POP1: variants seen among roughly 807,000 people sequenced by gnomAD.
POP1 encodes POP1 ribonuclease P/MRP subunit.
POP1 carries 75 observed loss-of-function variants against 102.2 expected under a neutral mutation model. The ratio of observed to expected loss-of-function variants is 0.73; its 90% confidence interval spans 0.61 to 0.89. The LOEUF (loss-of-function observed/expected upper bound fraction) is 0.89, where lower values mean the gene tolerates loss of function less well. POP1 is among the 40% of genes least tolerant of loss of function. The probability of loss-of-function intolerance (pLI) is 0.00; values close to 1 mark genes in which losing one functional copy is unlikely to be tolerated. For missense variants in POP1, 1,116 were observed against 1,267.4 expected (o/e 0.88, Z 1.81); for synonymous variants, 436 against 464.1 (o/e 0.94, Z 0.78).
chr8:98,128,232 C>G (rs1816269616), intron 3 of POP1, 133 bp from the exon 4 acceptor site: 1 of 817,408 alleles, frequency 1.2e-6, no homozygotes, highest in African/African-American at 1.7e-5. Flanking sequence ...GTACCTATAC[C>G]TTAGATATGC....
At chr8:98,133,651 T>C (rs548678692) in intron 5 of POP1, among the ~76,000 whole-genome samples, 1 of 152,316 alleles carries the variant, frequency 6.6e-6, no homozygotes, top group African/African-American at 2.4e-5. Flanking sequence ...GGATAAAACA[T>C]AGATTACCTA....
Position 98,158,251 on chromosome 8 carries a change from A to G in POP1, c.3055A>G (p.Arg1019Gly), listed in dbSNP as rs777557104. Residue 1019 changes from arginine to glycine, a missense_variant, in exon 16 of 16, where the codon AGG becomes GGG. By Grantham distance (125) the Arg-to-Gly change is moderately radical (BLOSUM62 -2). Coordinates refer to ENST00000401707, the MANE Select transcript of POP1 (RefSeq NM_001145860.2). Reference protein sequence around the residue: ...PPASLQYRFARIAIEV With the variant: ...PPASLQYRFAGIAIEV ...CGCCTCTCTGCAGTATCGATTTGCG[A>G]GGATTGCTATTGAGGTGTGAATGCG... is the stretch of plus-strand genomic sequence containing the variant. The G allele has an allele frequency of 3.1e-6, 5 of 1,610,650 alleles. No homozygotes were observed. The South Asian group carries it at 5.5e-5, about 18-fold the overall frequency.
In POP1 at chr8:98,159,023, G is replaced by A. The variant is rs899893016; in HGVS notation, c.*752G>A. On this transcript the variant is annotated 3_prime_UTR_variant, in exon 16 of 16. Transcript: ENST00000401707. The stretch of plus-strand genomic sequence containing the variant: ...CATAGAGGAGCATTTCTCAGAATAT[G>A]TTCTATGATATGTGTCACCTAAAAA... 6.6e-6 allele frequency: 1 copy of A among 152,122 alleles called. No homozygotes were observed. The highest frequency in any genetic ancestry group is 1.9e-4 in the East Asian group (1 of 5,198). 9.4% of individuals were successfully genotyped at this position (152,122 alleles called of 1,614,324 possible).
intron 14 of POP1, among the ~76,000 whole-genome samples, chr8:98,151,895 A>G (rs576583645): frequency 6.6e-6 from 1 of 151,940 alleles, no homozygotes; most frequent in Non-Finnish European, 1.5e-5. Flanking sequence ...GGCACCTGCC[A>G]CCATGCCTGG....
In POP1 at chr8:98,156,052, G is replaced by A. The variant is rs146092766; in HGVS notation, c.2060G>A (p.Arg687His). The change falls in exon 15 of 16, where the codon CGC becomes CAC. Residue 687 changes from arginine (R) to histidine (H), a missense_variant and splice_region_variant. Physicochemically the swap from Arg to His is conservative, Grantham distance 29. Transcript: ENST00000401707. The part of the protein sequence containing the change: ...AKNLLEKYKR[R>H]PPAKRPNYVK... ...TTCTCCTGTATGTTTTTCTTTAGAC[G>A]CCCTCCTGCAAAACGGCCCAACTAC... The A allele has an allele frequency of 2.7e-5, 43 of 1,611,896 alleles. No individual in the cohort carries two copies. The East Asian group carries it at 7.1e-4, about 27-fold the overall frequency.
chr8:98,159,604 T>C lies in POP1; in HGVS notation c.*1333T>C, dbSNP rs534141026. 6.6e-6 allele frequency: 1 copy of C among 152,272 alleles called. No homozygotes were observed. The highest frequency in any genetic ancestry group is 2.1e-4 in the South Asian group (1 of 4,822). 9.4% of individuals were successfully genotyped at this position (152,272 alleles called of 1,614,324 possible). ...TAGGCATTATTTTATGTAAATGCAT[T>C]GGGTTTTTACTGTAGCATTTGGCAC... On this transcript the variant is annotated 3_prime_UTR_variant, in exon 16 of 16. Transcript: ENST00000401707.
intron 6 of POP1, among the ~76,000 whole-genome samples, 158 bp downstream of exon 6, chr8:98,134,194 G>GTTGGC (rs1816463609): frequency 6.6e-6 from 1 of 152,222 alleles, no homozygotes; most frequent in Non-Finnish European, 1.5e-5. Context: ...AAACAGTTGG[G>GTTGGC]TTGGCTTTTA....
intron 9 of POP1, among the ~76,000 whole-genome samples, chr8:98,137,380 G>A (rs1816576289): frequency 6.6e-6 from 1 of 151,772 alleles, no homozygotes; most frequent in African/African-American, 2.4e-5. Flanking sequence ...TTGGTTCACT[G>A]CACCCTCTGC....
At chr8:98,157,545 G>A in intron 15 of POP1, 72 bp from the exon 16 acceptor site, 2 of 1,531,156 alleles carry the variant, frequency 1.3e-6, no homozygotes, top group East Asian at 4.5e-5. Context: ...TTCTAGCAGT[G>A]TCTAATCTTC....
At chr8:98,155,425 CA>C (rs1006450757) in intron 14 of POP1, among the ~76,000 whole-genome samples, 12 of 151,190 alleles carry the variant, frequency 7.9e-5, no homozygotes, top group African/African-American at 2.7e-4. Flanking sequence ...GGATTACAGG[CA>C]TGTGCCACCA....
At position 98,121,632 on chromosome 8, in the gene POP1, C is replaced by T. The variant is rs145019040; in HGVS notation, c.-2-1704C>T. 1.7e-3 allele frequency among the ~76,000 whole-genome samples: 254 copies of T among 149,292 alleles called. 3 individuals carry two copies. In the South Asian group the frequency reaches 0.024, roughly 14 times the overall value. ...TCCTGGGTTCAAGCGATTCTCCTGT[C>T]GCAGCCTCCCGAATAGCTGGGACTA... On this transcript the variant is annotated intron_variant, in intron 1 of 15. Coordinates refer to ENST00000401707, the MANE Select transcript of POP1 (RefSeq NM_001145860.2).
At chr8:98,131,753 CT>C (rs1301495278) in intron 5 of POP1, among the ~76,000 whole-genome samples, 2 of 152,332 alleles carry the variant, frequency 1.3e-5, no homozygotes, top group Middle Eastern at 3.4e-3. Flanking sequence ...GTTCCAATTT[CT>C]CCTCATCCTT....
chr8:98,143,832 T>C (rs1184586090), intron 11 of POP1, among the ~76,000 whole-genome samples: 1 of 152,182 alleles, frequency 6.6e-6, no homozygotes, highest in Non-Finnish European at 1.5e-5. Flanking sequence ...CAGATAGGCT[T>C]CTTTCACTTA....
At chr8:98,123,784 A>G (rs147153045) in intron 2 of POP1, among the ~76,000 whole-genome samples, 2 of 152,048 alleles carry the variant, frequency 1.3e-5, no homozygotes, top group Non-Finnish European at 2.9e-5. Flanking sequence ...TCAAAAAAAA[A>G]AAAAAAGATA....
chr8:98,134,445 A>G (rs1563775487), intron 6 of POP1, 27 bp from the exon 7 acceptor site: 3 of 1,612,524 alleles, frequency 1.9e-6, no homozygotes, highest in Non-Finnish European at 2.5e-6. Context: ...ACCCGGAATT[A>G]TGGAATTTTG....
At chr8:98,140,986 C>T in intron 11 of POP1, 98 bp downstream of exon 11, 2 of 1,446,202 alleles carry the variant, frequency 1.4e-6, no homozygotes, top group Non-Finnish European at 1.9e-6. Flanking sequence ...CCAGTAACTT[C>T]ATCTGTAAAA....
At chr8:98,156,755 T>C (rs777134351) in intron 15 of POP1, among the ~76,000 whole-genome samples, 113 of 152,338 alleles carry the variant, frequency 7.4e-4, no homozygotes, top group Non-Finnish European at 1.1e-3. Flanking sequence ...TTTTGAATTA[T>C]ATGGATTTGT....
At chr8:98,140,020 C>T in intron 9 of POP1, 58 bp from the exon 10 acceptor site, 1 of 1,363,622 alleles carries the variant, frequency 7.3e-7, no homozygotes, top group Non-Finnish European at 1.0e-6. Flanking sequence ...ACAACCATGA[C>T]AAAATTATGA....
At chr8:98,140,673 A>G in intron 10 of POP1, 96 bp from the exon 11 acceptor site, 1 of 1,316,374 alleles carries the variant, frequency 7.6e-7, no homozygotes, top group Admixed American at 1.7e-5. Context: ...TCCAAGAAAA[A>G]CGTTTCATTA....
Sources: allele counts gnomAD v4.1 joint callset (sites outside exome capture counted in the v4.1 genomes callset), GRCh38; gene constraint gnomAD v4.1.1; transcripts MANE v1.5; gene names NCBI Gene and HGNC (gene_info 2026-07-23, HGNC 2026-07-21).